SPDYE5: variants seen among roughly 807,000 people sequenced by gnomAD.
SPDYE5 encodes the protein speedy protein E5.
In SPDYE5, 15 loss-of-function variants were observed where a neutral mutation model predicts 48.5. That is an observed-to-expected ratio of 0.31 (90% CI 0.21 to 0.48). The LOEUF is 0.48. Ranked by LOEUF, SPDYE5 falls within the 20% of genes least tolerant of loss-of-function variation. The pLI is 0.99. For synonymous variants in SPDYE5, 116 were observed against 200.7 expected (o/e 0.58, Z 3.57); for missense variants, 331 against 549.1 (o/e 0.60, Z 3.97).
chr7:75,497,474 G>GA (rs1554482758), intron 4 of SPDYE5, among the ~76,000 whole-genome samples: 2 of 150,516 alleles, frequency 1.3e-5, no homozygotes, highest in South Asian at 2.1e-4. Context: ...ATCAAATAAA[G>GA]AAAAACAAAA....
chr7:75,504,263 C>G lies in SPDYE5; in HGVS notation c.*1476C>G, dbSNP rs373072482. The G allele has an allele frequency of 8.8e-4, 132 of 150,568 alleles. No homozygotes were observed. The highest frequency in any genetic ancestry group is 1.4e-3 in the Non-Finnish European group (95 of 67,184). The allele number at this position is 150,568 out of a possible 1,614,324, so 9.3% of individuals were successfully genotyped here. ...TTTTCAAGAGAACAATAGAGTGCGT[C>G]TCTTGGGGAAACATAATAAAAATGA... On this transcript the variant is annotated 3_prime_UTR_variant, in exon 9 of 9. Transcript: ENST00000625065.
rs1792830047 is a variant in SPDYE5 at position 75,494,006 on chromosome 7, T to C, written c.-42T>C. The C allele has an allele frequency of 1.1e-5, 16 of 1,478,580 alleles. No homozygotes were observed. Among genetic ancestry groups the C allele is most frequent in the African/African-American group, 2.9e-5 (2 of 68,324 alleles). 91.6% of individuals were successfully genotyped at this position (1,478,580 alleles called of 1,614,324 possible). A position where few individuals can be genotyped will look rare whatever the true frequency, so the allele number is the denominator to read the frequency against. ...GACTTCTCCTAGGCTTGAGAATTGA[T>C]AACATACTCTTCTGGATCCTAGCAG... On this transcript the variant is annotated 5_prime_UTR_variant, in exon 2 of 9. Coordinates refer to ENST00000625065, the MANE Select transcript of SPDYE5 (RefSeq NM_001306141.4).
rs1157711821 is a variant in SPDYE5, at chr7:75,493,637, G to A, written c.-411G>A. 7.7e-7 allele frequency: 1 copy of A among 1,293,554 alleles called. No homozygotes were observed. The highest frequency in any genetic ancestry group is 3.6e-5 in the Admixed American group (1 of 27,456). 80.1% of individuals were successfully genotyped at this position (1,293,554 alleles called of 1,614,324 possible). ...TCCCTCTCCCACCAGACTGGACTCT[G>A]AAATGGGCATGTACAGAGACAAAGA... On this transcript the variant is annotated 5_prime_UTR_variant, in exon 2 of 9. Coordinates refer to ENST00000625065, the MANE Select transcript of SPDYE5 (RefSeq NM_001306141.4).
At position 75,501,490 on chromosome 7, in the gene SPDYE5, T is replaced by C. The variant is rs587733783; in HGVS notation, c.884T>C (p.Met295Thr). The C allele has an allele frequency of 1.9e-5, 29 of 1,494,668 alleles. No individual in the cohort carries two copies. In the East Asian group the frequency reaches 5.1e-4, roughly 26 times the overall value. The allele number at this position is 1,494,668 out of a possible 1,614,324, so 92.6% of individuals were successfully genotyped here. The change falls in exon 7 of 9, where the codon ATG (methionine) becomes ACG (threonine). Residue 295 changes from methionine to threonine, a missense_variant. Physicochemically the swap from Met to Thr is moderately conservative, Grantham distance 81. Coordinates refer to ENST00000625065, the MANE Select transcript of SPDYE5 (RefSeq NM_001306141.4). Reference sequence around the variant, plus strand: ...CGTTGGTTCCAGTTAGGCCGTTCCATGAACCCGAGGGCCAGGAAGAAGCGC... The same window carrying C: ...CGTTGGTTCCAGTTAGGCCGTTCCACGAACCCGAGGGCCAGGAAGAAGCGC... The part of the protein sequence containing the change: ...RKRWFQLGRS[M>T]NPRARKKRSR...
rs587679600 is a variant in SPDYE5 at position 75,503,861 on chromosome 7, T to C, written c.*1074T>C. On this transcript the variant is annotated 3_prime_UTR_variant, in exon 9 of 9. Transcript: ENST00000625065. ...TTTAAATATTTTTGAAATACTGCTA[T>C]TTTTGAATAGATGCTGTTTCTATAA... is the stretch of plus-strand genomic sequence containing the variant. The C allele has an allele frequency of 6.6e-6, 1 of 151,640 alleles. No individual in the cohort carries two copies. The highest frequency in any genetic ancestry group is 1.9e-4 in the East Asian group (1 of 5,170). 9.4% of individuals were successfully genotyped at this position (151,640 alleles called of 1,614,324 possible). A position where few individuals can be genotyped will look rare whatever the true frequency, so the allele number is the denominator to read the frequency against.
chr7:75,495,960 G>A (rs1554482460), intron 3 of SPDYE5, among the ~76,000 whole-genome samples: 1 of 150,988 alleles, frequency 6.6e-6, no homozygotes, highest in African/African-American at 2.4e-5. Flanking sequence ...AACCCAGGTG[G>A]AAGAGGTTGC....
intron 6 of SPDYE5, among the ~76,000 whole-genome samples, chr7:75,499,819 G>T (rs1349564893): frequency 8.5e-6 from 1 of 118,332 alleles, no homozygotes; most frequent in Non-Finnish European, 1.8e-5. Flanking sequence ...TCCAATGCCA[G>T]TGTACAAATA....
chr7:75,494,147 C>A lies in SPDYE5; in HGVS notation c.100C>A (p.Arg34=), dbSNP rs71560466. Residue 34 remains arginine (R), a synonymous_variant, in exon 2 of 9, where the codon CGG becomes AGG. Coordinates refer to ENST00000625065, the MANE Select transcript of SPDYE5 (RefSeq NM_001306141.4). The part of the protein sequence containing the change: ...PQPQNEQSPQ[R]STSGYPLQEV... The stretch of plus-strand genomic sequence containing the variant: ...ACCCCAGAATGAGCAGAGTCCCCAG[C>A]GGAGCACCTCGGGGTACCCCCTCCA... The A allele has an allele frequency of 1.4e-5, 21 of 1,534,980 alleles. 1 individual carries two copies. In the Admixed American group the frequency reaches 2.4e-4, roughly 17 times the overall value.
Position 75,501,862 on chromosome 7 carries a change from G to T in SPDYE5, c.1150-16G>T. 1 of 1,612,030 alleles carries T rather than the reference G, an allele frequency of 6.2e-7. No individual in the cohort carries two copies. The highest frequency in any genetic ancestry group is 8.5e-7 in the Non-Finnish European group (1 of 1,179,862). The stretch of plus-strand genomic sequence containing the variant: ...TGGCGAGTCCCCGTCTTCTCAAAGG[G>T]CGTTTGTTTTTCCAGATCCAGGCTT... On this transcript the variant is annotated splice_polypyrimidine_tract_variant and intron_variant, in intron 7 of 8. Coordinates refer to ENST00000625065, the MANE Select transcript of SPDYE5 (RefSeq NM_001306141.4).
chr7:75,498,909 C>G (rs1793041418), intron 5 of SPDYE5, among the ~76,000 whole-genome samples: 1 of 151,920 alleles, frequency 6.6e-6, no homozygotes, highest in African/African-American at 2.4e-5. Flanking sequence ...CCCCTCTACT[C>G]TCAGCTCTTC....
intron 6 of SPDYE5, among the ~76,000 whole-genome samples, chr7:75,500,530 G>A (rs587682014): frequency 3.3e-5 from 5 of 151,516 alleles, no homozygotes; most frequent in South Asian, 2.1e-4. Context: ...AAATATCAAT[G>A]TATTCAATTT....
rs139672859 is a variant in SPDYE5, at chr7:75,494,073, G to A, written c.26G>A (p.Arg9His). ...ATGGACAGAACGGAGACTAGGTTCC[G>A]TAAGAGGGGACAGATTACGGAAAAG... Reference protein sequence around the residue: MDRTETRFRKRGQITEKIT... With the variant: MDRTETRFHKRGQITEKIT... The change falls in exon 2 of 9, where the codon CGT (arginine) becomes CAT (histidine). Residue 9 changes from arginine (R) to histidine (H), a missense_variant. Physicochemically the swap from Arg to His is conservative, Grantham distance 29. Transcript: ENST00000625065. 1,349 of 1,533,984 alleles carry A rather than the reference G, an allele frequency of 8.8e-4. 17 individuals carry two copies. In the East Asian group the frequency reaches 0.02, roughly 23 times the overall value.
intron 8 of SPDYE5, 146 bp downstream of exon 8, chr7:75,502,128 T>C: frequency 8.9e-7 from 1 of 1,127,460 alleles, no homozygotes; most frequent in Non-Finnish European, 1.2e-6. Context: ...CCAGGCGATG[T>C]GGGAGGCATC....
rs1389754644 is a variant in SPDYE5 at position 75,494,254 on chromosome 7, G to A, written c.160+47G>A. 5.9e-6 allele frequency: 9 copies of A among 1,530,918 alleles called. No homozygotes were observed. In the African/African-American group the frequency reaches 6.9e-5, roughly 12 times the overall value. The allele number at this position is 1,530,918 out of a possible 1,614,324, so 94.8% of individuals were successfully genotyped here. ...GAGGTGGGATAGGATTGACTAAGAC[G>A]AAGGAAGGGGGCCAGGTGCGGTGGC... On this transcript the variant is annotated intron_variant, in intron 2 of 8. Coordinates refer to ENST00000625065, the MANE Select transcript of SPDYE5 (RefSeq NM_001306141.4).
intron 4 of SPDYE5, among the ~76,000 whole-genome samples, 180 bp downstream of exon 4, chr7:75,497,084 T>A (rs1792962229): frequency 6.6e-6 from 1 of 151,836 alleles, no homozygotes; most frequent in Non-Finnish European, 1.5e-5. Flanking sequence ...TTAGGTCAAC[T>A]TGATAAAGGT....
chr7:75,494,529 A>G (rs1792854465), intron 2 of SPDYE5, among the ~76,000 whole-genome samples: 1 of 151,154 alleles, frequency 6.6e-6, no homozygotes, highest in African/African-American at 2.4e-5. Flanking sequence ...AAAAAAAAAA[A>G]AAAGAAAAGA....
At chr7:75,496,322 G>A (rs1210679125) in intron 3 of SPDYE5, among the ~76,000 whole-genome samples, 1 of 147,158 alleles carries the variant, frequency 6.8e-6, no homozygotes, top group African/African-American at 2.5e-5. Flanking sequence ...AGGAGGCGGA[G>A]GTTGCAGTGA....
In SPDYE5 at chr7:75,502,876, A is replaced by G; in HGVS notation, c.*89A>G. ...GATGTGGATTTTCAGCAGGAACTTT[A>G]TTCCAATGCTAATGGCAGACACCAG... On this transcript the variant is annotated 3_prime_UTR_variant, in exon 9 of 9. Transcript: ENST00000625065. 2 of 901,218 alleles carry G rather than the reference A, an allele frequency of 2.2e-6. No homozygotes were observed. The highest frequency in any genetic ancestry group is 3.1e-6 in the Non-Finnish European group (2 of 655,706). 55.8% of individuals were successfully genotyped at this position (901,218 alleles called of 1,614,324 possible). A position where few individuals can be genotyped will look rare whatever the true frequency, so the allele number is the denominator to read the frequency against.
chr7:75,495,229 T>C lies in SPDYE5; in HGVS notation c.234T>C (p.Ser78=). ...GGAAGAGGGAGTGGTCAGATGAATC[T>C]GCGGAGGAGCCGGAGAAGGAGCTCG... The part of the protein sequence containing the change: ...WKRKREWSDE[S]AEEPEKELAP... The change falls in exon 3 of 9, where the codon TCT becomes TCC. Residue 78 remains serine (S), a synonymous_variant. Transcript: ENST00000625065. 6.3e-7 allele frequency: 1 copy of C among 1,597,398 alleles called. No homozygotes were observed. The highest frequency in any genetic ancestry group is 8.5e-7 in the Non-Finnish European group (1 of 1,179,824).
Sources: allele counts gnomAD v4.1 joint callset (sites outside exome capture counted in the v4.1 genomes callset), GRCh38; gene constraint gnomAD v4.1.1; transcripts MANE v1.5; gene names NCBI Gene and HGNC (gene_info 2026-07-23, HGNC 2026-07-21).